Variants in MAPT observed in about 807,000 individuals in gnomAD.
MAPT encodes microtubule associated protein tau, also known as microtubule-associated protein tau.
A neutral mutation model predicts 67.9 loss-of-function variants in MAPT; 34 were observed. That is an observed-to-expected ratio of 0.50 (90% CI 0.38 to 0.67). The LOEUF is 0.67. Ranked by LOEUF, MAPT falls within the 30% of genes least tolerant of loss-of-function variation. MAPT has a pLI of 0.00. For missense variants in MAPT, 881 were observed against 1,115.2 expected (o/e 0.79, Z 2.99); for synonymous variants, 456 against 464.5 (o/e 0.98, Z 0.23).
At chr17:45,939,755 A>G (rs949107585) in intron 1 of MAPT, among the ~76,000 whole-genome samples, 2 of 152,230 alleles carry the variant, frequency 1.3e-5, no homozygotes, top group African/African-American at 4.8e-5. Flanking sequence ...ACCAAGTCAC[A>G]GAGCAGGAAC....
At chr17:45,994,391 A>T (rs953770941) in intron 8 of MAPT, among the ~76,000 whole-genome samples, 3 of 152,112 alleles carry the variant, frequency 2.0e-5, no homozygotes, top group Non-Finnish European at 4.4e-5. Flanking sequence ...AGGCAGGAGG[A>T]TGGGAGGTCT....
chr17:45,914,383 T>C (rs767361087), intron 1 of MAPT, among the ~76,000 whole-genome samples: 39 of 152,342 alleles, frequency 2.6e-4, no homozygotes, highest in Admixed American at 5.2e-4. Flanking sequence ...TCATCTGTTA[T>C]GTAGAAGTCT....
intron 1 of MAPT, among the ~76,000 whole-genome samples, chr17:45,902,083 A>G (rs2063649291): frequency 6.6e-6 from 1 of 151,404 alleles, no homozygotes; most frequent in Non-Finnish European, 1.5e-5. Flanking sequence ...TTATTTTTTA[A>G]TCTTTTTTTG....
rs1489673105 is a variant in MAPT at position 45,897,483 on chromosome 17, C to T, written c.-18+2797C>T. 6.6e-6 allele frequency: 1 copy of T among 152,284 alleles called. No homozygotes were observed. The highest frequency in any genetic ancestry group is 1.5e-5 in the Non-Finnish European group (1 of 68,080). 9.4% of individuals were successfully genotyped at this position (152,284 alleles called of 1,614,324 possible). On this transcript the variant is annotated intron_variant, in intron 1 of 12. Coordinates refer to ENST00000262410, the MANE Select transcript of MAPT (RefSeq NM_001377265.1). The surrounding 1 kb of genome is among the most constrained non-coding windows in gnomAD (Gnocchi z 5.0). Reference sequence around the variant, plus strand: ...CAGGGGGACGGTCCTTCGTAGGAAACTCTATCCTGGCTCTGCGCGCGCTTT... The same window carrying T: ...CAGGGGGACGGTCCTTCGTAGGAAATTCTATCCTGGCTCTGCGCGCGCTTT...
At chr17:45,986,370 G>A (rs2073540542) in intron 5 of MAPT, among the ~76,000 whole-genome samples, 1 of 152,206 alleles carries the variant, frequency 6.6e-6, no homozygotes, top group Non-Finnish European at 1.5e-5. Flanking sequence ...CTGGAGGCGT[G>A]TGACCAGAAA....
intron 9 of MAPT, among the ~76,000 whole-genome samples, chr17:46,000,280 G>C (rs1198393945): frequency 6.6e-6 from 1 of 152,154 alleles, no homozygotes; most frequent in Non-Finnish European, 1.5e-5. Flanking sequence ...TCCCCTTTGT[G>C]CTTTTCTCTG....
chr17:45,948,809 G>A (rs1177387642), intron 1 of MAPT, among the ~76,000 whole-genome samples: 1 of 152,166 alleles, frequency 6.6e-6, no homozygotes, highest in Non-Finnish European at 1.5e-5. Context: ...CCTGCTTTCC[G>A]CCTAAATGTG....
chr17:45,970,572 A>G (rs2071560913), intron 2 of MAPT, among the ~76,000 whole-genome samples: 1 of 152,238 alleles, frequency 6.6e-6, no homozygotes, highest in Non-Finnish European at 1.5e-5. Flanking sequence ...ATAAATCCTC[A>G]TGATTTGAAG....
At position 45,996,754 on chromosome 17, in the gene MAPT, T is replaced by C; in HGVS notation, c.1998+90T>C. The C allele has an allele frequency of 6.5e-7, 1 of 1,542,812 alleles. No individual in the cohort carries two copies. The highest frequency in any genetic ancestry group is 1.9e-5 in the Admixed American group (1 of 51,572). On this transcript the variant is annotated intron_variant, in intron 9 of 12. Transcript: ENST00000262410. The surrounding 1 kb of genome is among the most constrained non-coding windows in gnomAD (Gnocchi z 4.5). ...GGAAGGGTAGGGCTGCGCCTGGAGGTGCGCGGTTGAGCGTGGAGTCGTGGG... is the reference window on the plus strand; with the variant it reads ...GGAAGGGTAGGGCTGCGCCTGGAGGCGCGCGGTTGAGCGTGGAGTCGTGGG...
At chr17:45,925,213 G>A (rs939371286) in intron 1 of MAPT, among the ~76,000 whole-genome samples, 3 of 152,144 alleles carry the variant, frequency 2.0e-5, no homozygotes, top group African/African-American at 7.2e-5. Context: ...GCCTACCATG[G>A]GCCAGGTAGA....
At chr17:45,991,865 T>C (rs1598306782) in intron 8 of MAPT, among the ~76,000 whole-genome samples, 1 of 151,286 alleles carries the variant, frequency 6.6e-6, no homozygotes, top group Middle Eastern at 3.4e-3. Context: ...GCTCACTGCA[T>C]CCTCCACCTC....
At chr17:45,936,783 C>T (rs1175873204) in intron 1 of MAPT, among the ~76,000 whole-genome samples, 1 of 152,240 alleles carries the variant, frequency 6.6e-6, no homozygotes, top group East Asian at 1.9e-4. Context: ...GCGTCATTAA[C>T]GATCCACATC....
intron 9 of MAPT, among the ~76,000 whole-genome samples, chr17:46,001,951 C>G (rs1440725184): frequency 6.6e-6 from 1 of 152,126 alleles, no homozygotes; most frequent in Non-Finnish European, 1.5e-5. Context: ...TGTTCAGTGG[C>G]CTTTGAAAGG....
At chr17:45,999,618 G>T in intron 9 of MAPT, 1 of 1,612,140 alleles carries the variant, frequency 6.2e-7, no homozygotes, top group Non-Finnish European at 8.5e-7. Context: ...CAGCTGCCCT[G>T]CCTCTGCCCA....
intron 1 of MAPT, among the ~76,000 whole-genome samples, chr17:45,899,446 G>A (rs1011006981): frequency 4.6e-5 from 7 of 152,082 alleles, no homozygotes; most frequent in African/African-American, 1.7e-4. Context: ...CAACACTTCC[G>A]CTATGTAGCA....
intron 4 of MAPT, among the ~76,000 whole-genome samples, chr17:45,981,643 G>C (rs1466065667): frequency 6.6e-6 from 1 of 152,158 alleles, no homozygotes; most frequent in African/African-American, 2.4e-5. Flanking sequence ...CTCCATTCTT[G>C]ATGATCACAC....
At chr17:45,982,825 G>A (rs556829894) in intron 4 of MAPT, 41 bp from the exon 5 acceptor site, 160 of 1,132,902 alleles carry the variant, frequency 1.4e-4, no homozygotes, top group African/African-American at 5.4e-4. Flanking sequence ...CGATTAATGC[G>A]CCCTTGCTAA....
chr17:46,023,366 G>A (rs1257595230), intron 12 of MAPT, among the ~76,000 whole-genome samples: 4 of 152,174 alleles, frequency 2.6e-5, no homozygotes, highest in South Asian at 2.1e-4. Context: ...CCGTGGCGAC[G>A]GAATACTAAG....
In MAPT at chr17:45,926,911, G is replaced by T. The variant is rs186221849; in HGVS notation, c.-18+32225G>T. Among the ~76,000 whole-genome samples the T allele has an allele frequency of 4.1e-3, 616 of 149,878 alleles. 6 individuals are homozygous for T. Among genetic ancestry groups the T allele is most frequent in the African/African-American group, 0.015 (592 of 40,712 alleles). ...GTGTGGTATGAGTGTGTGTATGTAT[G>T]TGTGTATATATATACACATATATAC... On this transcript the variant is annotated intron_variant, in intron 1 of 12. Coordinates refer to ENST00000262410, the MANE Select transcript of MAPT (RefSeq NM_001377265.1).
Sources: gnomAD v4.1 joint callset for allele counts (sites outside exome capture counted in the v4.1 genomes callset) on GRCh38, gnomAD v4.1.1 for gene constraint, Gnocchi (gnomAD v3.1) non-coding constraint, MANE v1.5 for transcripts, NCBI Gene and HGNC (gene_info 2026-07-23, HGNC 2026-07-21) for gene names.